FYN: variants seen among roughly 807,000 people sequenced by gnomAD.
FYN encodes FYN proto-oncogene, Src family tyrosine kinase, also known as tyrosine-protein kinase Fyn.
In FYN, 10 loss-of-function variants were observed where a neutral mutation model predicts 70.2. The ratio of observed to expected loss-of-function variants is 0.14; its 90% CI spans 0.09 to 0.24. The LOEUF is 0.24. FYN is among the 10% of genes least tolerant of loss of function. FYN has a pLI of 1.00. For missense variants in FYN, 319 were observed against 673.1 expected (o/e 0.47, Z 5.82); for synonymous variants, 236 against 248.6 (o/e 0.95, Z 0.48).
intron 3 of FYN, among the ~76,000 whole-genome samples, chr6:111,743,889 G>A (rs959075249): frequency 1.3e-5 from 2 of 152,094 alleles, no homozygotes; most frequent in African/African-American, 4.8e-5. Context: ...CCAATAAAAT[G>A]CAAAGGATTT....
chr6:111,780,699 T>C (rs1015639710), intron 2 of FYN, 64 bp from the exon 3 acceptor site: 2 of 152,352 alleles, frequency 1.3e-5, no homozygotes, highest in African/African-American at 4.8e-5. Flanking sequence ...TGAACACATA[T>C]TATGTTTCTC....
At chr6:111,698,218 C>G (rs995457787) in intron 9 of FYN, among the ~76,000 whole-genome samples, 6 of 152,192 alleles carry the variant, frequency 3.9e-5, no homozygotes, top group African/African-American at 9.7e-5. Context: ...ACCGCAACCT[C>G]CACCTCCCAG....
At chr6:111,823,901 G>T (rs977814824) in intron 2 of FYN, among the ~76,000 whole-genome samples, 1 of 152,100 alleles carries the variant, frequency 6.6e-6, no homozygotes, top group Non-Finnish European at 1.5e-5. Context: ...ATTTGTAGCT[G>T]ACGTATATTG....
intron 2 of FYN, among the ~76,000 whole-genome samples, chr6:111,813,145 A>T (rs1479545007): frequency 6.6e-6 from 1 of 152,194 alleles, no homozygotes; most frequent in African/African-American, 2.4e-5. Context: ...GTAATTTCTA[A>T]AATACAAAGT....
chr6:111,792,122 A>G (rs1430294303), intron 2 of FYN, among the ~76,000 whole-genome samples: 1 of 152,226 alleles, frequency 6.6e-6, no homozygotes, highest in Non-Finnish European at 1.5e-5. Flanking sequence ...TAATTGCAAT[A>G]CATATATACA....
chr6:111,817,640 G>T (rs1398098007), intron 2 of FYN, among the ~76,000 whole-genome samples: 4 of 152,166 alleles, frequency 2.6e-5, no homozygotes, highest in African/African-American at 9.7e-5. Context: ...GACTCTGTGT[G>T]CATCCAAGTG....
chr6:111,713,146 A>C (rs1800467001), intron 5 of FYN, among the ~76,000 whole-genome samples: 1 of 152,170 alleles, frequency 6.6e-6, no homozygotes, highest in African/African-American at 2.4e-5. Context: ...GGCAGTATTC[A>C]GTTCTTGCTG....
At chr6:111,799,339 A>G (rs1416488265) in intron 2 of FYN, among the ~76,000 whole-genome samples, 1 of 152,218 alleles carries the variant, frequency 6.6e-6, no homozygotes, top group Non-Finnish European at 1.5e-5. Flanking sequence ...AACATTGGGA[A>G]CATTTGTAAA....
intron 3 of FYN, among the ~76,000 whole-genome samples, chr6:111,771,637 G>A (rs562140204): frequency 6.6e-6 from 1 of 152,290 alleles, no homozygotes; most frequent in East Asian, 1.9e-4. Context: ...TATAAACAAA[G>A]CCTTGGCCTA....
chr6:111,854,009 T>A (rs1290931515), intron 1 of FYN, among the ~76,000 whole-genome samples: 1 of 152,222 alleles, frequency 6.6e-6, no homozygotes, highest in Non-Finnish European at 1.5e-5. Flanking sequence ...AGGTTGACAG[T>A]GTCCTTCCCT....
At chr6:111,735,153 C>T (rs183012810) in intron 3 of FYN, among the ~76,000 whole-genome samples, 48 of 152,308 alleles carry the variant, frequency 3.2e-4, no homozygotes, top group Non-Finnish European at 6.0e-4. Flanking sequence ...AGTGTTCTTA[C>T]GGCTTATTTG....
intron 12 of FYN, among the ~76,000 whole-genome samples, chr6:111,686,512 C>T (rs1324552090): frequency 2.6e-5 from 4 of 152,040 alleles, no homozygotes; most frequent in Admixed American, 1.3e-4. Flanking sequence ...CATTTTATGG[C>T]GGCACCACTG....
At chr6:111,687,116 TAAAG>T (rs781122626) in intron 12 of FYN, among the ~76,000 whole-genome samples, 375 of 152,364 alleles carry the variant, frequency 2.5e-3, no homozygotes, top group African/African-American at 8.2e-3. Context: ...AAAGAGTTAT[TAAAG>T]TAACAAATCT....
intron 2 of FYN, among the ~76,000 whole-genome samples, chr6:111,821,788 G>GA (rs1004459688): frequency 2.3e-4 from 35 of 150,352 alleles, no homozygotes; most frequent in South Asian, 1.7e-3. Context: ...AAATTTACAA[G>GA]AAAAAAAAAC....
At chr6:111,696,216 C>T in intron 10 of FYN, 61 bp downstream of exon 10, 1 of 1,351,666 alleles carries the variant, frequency 7.4e-7, no homozygotes, top group Non-Finnish European at 9.8e-7. Context: ...ACTTCCATTT[C>T]TCTCCCCTAA....
At chr6:111,715,257 T>C (rs1003623233) in intron 4 of FYN, among the ~76,000 whole-genome samples, 2 of 152,012 alleles carry the variant, frequency 1.3e-5, no homozygotes, top group Non-Finnish European at 2.9e-5. Context: ...TTTTTTTTTT[T>C]CAAATAGAGA....
chr6:111,840,106 G>A (rs1328545460), intron 2 of FYN, among the ~76,000 whole-genome samples: 1 of 152,166 alleles, frequency 6.6e-6, no homozygotes, highest in African/African-American at 2.4e-5. Context: ...TAAACTGACT[G>A]AAGTAATGAG....
chr6:111,848,901 T>C (rs1773605692), intron 1 of FYN, among the ~76,000 whole-genome samples: 1 of 152,266 alleles, frequency 6.6e-6, no homozygotes, highest in African/African-American at 2.4e-5. Context: ...ACCAATTATC[T>C]TCCTAATTTA....
intron 12 of FYN, among the ~76,000 whole-genome samples, chr6:111,691,614 C>T (rs1799321378): frequency 6.6e-6 from 1 of 152,204 alleles, no homozygotes; most frequent in Non-Finnish European, 1.5e-5. Context: ...GTAAAGCAGC[C>T]AGGGCAGGGC....
Sources: gnomAD v4.1 joint callset for allele counts (sites outside exome capture counted in the v4.1 genomes callset) on GRCh38, gnomAD v4.1.1 for gene constraint, MANE v1.5 for transcripts, NCBI Gene and HGNC (gene_info 2026-07-23, HGNC 2026-07-21) for gene names.